The following XRCC5 variants were observed in gnomAD, a reference collection of about 807,000 sequenced individuals.
XRCC5 encodes the protein X-ray repair cross complementing 5.
A neutral mutation model predicts 95.7 loss-of-function variants in XRCC5; 12 were observed. That is an observed-to-expected ratio of 0.13 (90% CI 0.08 to 0.20). The LOEUF (loss-of-function observed/expected upper bound fraction) is 0.20, where lower values mean the gene tolerates loss of function less well. Among genes scored for constraint, XRCC5 ranks in the 10% least tolerant of loss-of-function variants. The pLI is 1.00. For synonymous variants in XRCC5, 281 were observed against 290.3 expected (o/e 0.97, Z 0.33); for missense variants, 595 against 873.9 (o/e 0.68, Z 4.02).
chr2:216,169,173 A>G (rs1033511224), intron 16 of XRCC5, among the ~76,000 whole-genome samples: 1 of 152,244 alleles, frequency 6.6e-6, no homozygotes, highest in Non-Finnish European at 1.5e-5. Context: ...CTGATTGACT[A>G]AACATACATA....
At chr2:216,191,053 G>GA (rs1689604964) in intron 17 of XRCC5, among the ~76,000 whole-genome samples, 1 of 152,114 alleles carries the variant, frequency 6.6e-6, no homozygotes, top group Non-Finnish European at 1.5e-5. Flanking sequence ...CAAGAAAATG[G>GA]AAAAATCATT....
intron 2 of XRCC5, among the ~76,000 whole-genome samples, chr2:216,115,371 A>C (rs1031493473): frequency 2.6e-5 from 4 of 152,200 alleles, no homozygotes; most frequent in Non-Finnish European, 5.9e-5. Flanking sequence ...TACTACATTC[A>C]GAATTTCCTC....
intron 1 of XRCC5, 101 bp from the exon 2 acceptor site, chr2:216,112,914 TA>T: frequency 1.1e-6 from 1 of 887,648 alleles, no homozygotes; most frequent in Admixed American, 2.2e-5. Flanking sequence ...ACACCTTTCC[TA>T]AATACTGATA....
At chr2:216,170,037 C>CAAAAAAAAAAAA (rs71047982) in intron 16 of XRCC5, among the ~76,000 whole-genome samples, 2 of 53,606 alleles carry the variant, frequency 3.7e-5, no homozygotes, top group African/African-American at 1.1e-4. Flanking sequence ...GACTGTGTCT[C>CAAAAAAAAAAAA]AAAAAAAAAA....
intron 14 of XRCC5, among the ~76,000 whole-genome samples, chr2:216,155,540 G>C (rs1038861176): frequency 6.6e-6 from 1 of 152,148 alleles, no homozygotes; most frequent in African/African-American, 2.4e-5. Context: ...TGCTAAGGGG[G>C]AATGTAAACT....
At chr2:216,200,710 T>C (rs1357678782) in intron 19 of XRCC5, among the ~76,000 whole-genome samples, 1 of 152,214 alleles carries the variant, frequency 6.6e-6, no homozygotes, top group African/African-American at 2.4e-5. Context: ...AGGTAACCAC[T>C]ATTCTGACTT....
chr2:216,187,843 T>A (rs1266131071), intron 16 of XRCC5, among the ~76,000 whole-genome samples: 2 of 134,252 alleles, frequency 1.5e-5, no homozygotes, highest in Admixed American at 7.1e-5. Flanking sequence ...TCTCTCTCTC[T>A]CTCTCTCTCT....
chr2:216,167,605 T>G (rs1160324748), intron 16 of XRCC5, among the ~76,000 whole-genome samples: 2 of 146,918 alleles, frequency 1.4e-5, no homozygotes, highest in Non-Finnish European at 3.0e-5. Flanking sequence ...TGTGTGTGTG[T>G]GTGTGTGTGA....
At chr2:216,122,004 G>A in intron 5 of XRCC5, 58 bp from the exon 6 acceptor site, 1 of 1,422,580 alleles carries the variant, frequency 7.0e-7, no homozygotes, top group South Asian at 1.5e-5. Flanking sequence ...TTTTCTCATA[G>A]CTGATGAGTT....
chr2:216,144,540 AGAG>A (rs1688585227), intron 13 of XRCC5, among the ~76,000 whole-genome samples: 1 of 152,248 alleles, frequency 6.6e-6, no homozygotes, highest in Admixed American at 6.5e-5. Context: ...TGGAAAATAA[AGAG>A]GACTTGAAGA....
At chr2:216,190,149 AT>A in intron 16 of XRCC5, 75 bp from the exon 17 acceptor site, 3 of 1,266,118 alleles carry the variant, frequency 2.4e-6, no homozygotes, top group Non-Finnish European at 3.4e-6. Context: ...ATACATACTT[AT>A]AGGCACAAAC....
At chr2:216,124,056 A>G (rs1468839316) in intron 6 of XRCC5, among the ~76,000 whole-genome samples, 1 of 152,236 alleles carries the variant, frequency 6.6e-6, no homozygotes, top group Non-Finnish European at 1.5e-5. Flanking sequence ...ACATTTTAAA[A>G]TTGAGTCCCT....
chr2:216,160,389 G>A (rs1688929400), intron 15 of XRCC5, among the ~76,000 whole-genome samples: 1 of 152,158 alleles, frequency 6.6e-6, no homozygotes, highest in Non-Finnish European at 1.5e-5. Flanking sequence ...GGTATATAGA[G>A]CTCTTTATAG....
rs547888127 is a variant in XRCC5, at chr2:216,142,582, A to T, written c.1476+1263A>T. Among the ~76,000 whole-genome samples, 4 of 151,610 alleles carry T rather than the reference A, an allele frequency of 2.6e-5. No homozygotes were observed. In the East Asian group the frequency reaches 7.8e-4, roughly 29 times the overall value. ...TGACAGCAGGACATAGGCTTCTCTG[A>T]CCCCCACAAAACTGAAAAAAAAATT... On this transcript the variant is annotated intron_variant, in intron 13 of 20. Transcript: ENST00000392132.
At chr2:216,136,120 G>T (rs1697069751) in intron 10 of XRCC5, among the ~76,000 whole-genome samples, 1 of 152,110 alleles carries the variant, frequency 6.6e-6, no homozygotes, top group South Asian at 2.1e-4. Context: ...ACTTTGGGAG[G>T]CCGAGGCAGG....
rs1260256726 is a variant in XRCC5, at chr2:216,126,008, A to G, written c.775A>G (p.Ile259Val). The G allele has an allele frequency of 8.7e-6, 14 of 1,613,796 alleles. No individual in the cohort carries two copies. Among genetic ancestry groups the G allele is most frequent in the African/African-American group, 1.3e-5 (1 of 75,058 alleles). ...CRLTIGSNLSIRIAAYKSILQ... is the reference protein window; with the variant it reads ...CRLTIGSNLSVRIAAYKSILQ... ...ACTGACCATTGGCTCCAATTTGTCT[A>G]TAAGGATTGCAGCCTATAAATCGGT... The change falls in exon 7 of 21, where the codon ATA becomes GTA. Residue 259 changes from isoleucine (I) to valine (V), a missense_variant. This residue lies in a region of XRCC5 where 286 missense variants were observed against 491.1 expected (regional missense o/e 0.58). Coordinates refer to ENST00000392132, the MANE Select transcript of XRCC5 (RefSeq NM_021141.4).
chr2:216,199,962 CATTT>C (rs1689805961), intron 19 of XRCC5, among the ~76,000 whole-genome samples: 1 of 151,892 alleles, frequency 6.6e-6, no homozygotes, highest in Admixed American at 6.6e-5. Context: ...TTGTTGTTGA[CATTT>C]ATGGATTTTC....
At chr2:216,202,302 C>T (rs962929383) in intron 19 of XRCC5, among the ~76,000 whole-genome samples, 2 of 152,044 alleles carry the variant, frequency 1.3e-5, no homozygotes, top group African/African-American at 4.8e-5. Flanking sequence ...CCTGATATCA[C>T]GAAAATCATG....
At chr2:216,156,015 C>T (rs1287877344) in intron 14 of XRCC5, among the ~76,000 whole-genome samples, 6 of 152,118 alleles carry the variant, frequency 3.9e-5, no homozygotes, top group Non-Finnish European at 7.4e-5. Context: ...GACGAAGAAG[C>T]GAAGACACTA....
Sources: gnomAD v4.1 joint callset for allele counts (sites outside exome capture counted in the v4.1 genomes callset) on GRCh38, gnomAD v4.1.1 for gene constraint, gnomAD v4.1.1 regional missense constraint, MANE v1.5 for transcripts, NCBI Gene and HGNC (gene_info 2026-07-23, HGNC 2026-07-21) for gene names.